UQCC5: variants seen among roughly 807,000 people sequenced by gnomAD.
UQCC5 encodes the protein UPF0640 protein C3orf78.
the UQCC5 span, chr3:52,540,556 C>A: frequency 9.2e-7 from 1 of 1,088,242 alleles, no homozygotes; most frequent in Admixed American, 3.1e-5. Context: ...TTAAAATATA[C>A]TTTTCAGATC....
At chr3:52,540,707 C>T in the UQCC5 span, 2 of 427,838 alleles carry the variant, frequency 4.7e-6, no homozygotes, top group Non-Finnish European at 8.2e-6. Flanking sequence ...ATTATTTCCT[C>T]CTAAAACACT....
chr3:52,541,620 ATGACCTC>A, the UQCC5 span: 1 of 152,236 alleles, frequency 6.6e-6, no homozygotes, highest in Non-Finnish European at 1.5e-5. Flanking sequence ...AAGGCCAGTA[ATGACCTC>A]TGCCATCAGG....
At chr3:52,539,620 G>A in the UQCC5 span, among the ~76,000 whole-genome samples, 2 of 150,516 alleles carry the variant, frequency 1.3e-5, no homozygotes, top group East Asian at 2.0e-4. Context: ...CAAATGGCAT[G>A]AGCCATGAAG....
the UQCC5 span, among the ~76,000 whole-genome samples, chr3:52,538,454 TTTTAA>T: frequency 3.3e-5 from 5 of 152,310 alleles, no homozygotes; most frequent in South Asian, 4.1e-4. Context: ...AATCCCAACA[TTTTAA>T]TTTAATTTAT....
At chr3:52,537,769 C>T in the UQCC5 span, among the ~76,000 whole-genome samples, 34 of 139,372 alleles carry the variant, frequency 2.4e-4, no homozygotes, top group African/African-American at 7.8e-4. Flanking sequence ...CTCGGGTGGG[C>T]GCCTCAACTG....
chr3:52,540,142 G>T, the UQCC5 span, among the ~76,000 whole-genome samples: 2 of 152,196 alleles, frequency 1.3e-5, no homozygotes, highest in Non-Finnish European at 2.9e-5. Context: ...AGAAATTATG[G>T]GGGAGAAGGA....
chr3:52,540,810 CTTTGT>C, the UQCC5 span: 1 of 215,242 alleles, frequency 4.6e-6, no homozygotes, highest in Non-Finnish European at 9.1e-6. Flanking sequence ...TTTCGGCAAT[CTTTGT>C]TTTTAGGCAA....
At chr3:52,537,806 G>A in the UQCC5 span, among the ~76,000 whole-genome samples, 3 of 152,148 alleles carry the variant, frequency 2.0e-5, no homozygotes, top group African/African-American at 7.2e-5. Context: ...GAAGGCTTCC[G>A]GAAGCAGCTA....
chr3:52,539,638 AT>A, the UQCC5 span, among the ~76,000 whole-genome samples: 65,016 of 139,626 alleles, frequency 0.47, 14,762 homozygotes, highest in Admixed American at 0.53. Flanking sequence ...AAGGAAGAAG[AT>A]TTTTTTTTTT....
chr3:52,539,195 T>C, the UQCC5 span, among the ~76,000 whole-genome samples: 1 of 151,810 alleles, frequency 6.6e-6, no homozygotes, highest in South Asian at 2.1e-4. Flanking sequence ...GGGTGAAGCA[T>C]GGGGAAGGGA....
At chr3:52,538,472 A>AT in the UQCC5 span, among the ~76,000 whole-genome samples, 2 of 152,250 alleles carry the variant, frequency 1.3e-5, no homozygotes, top group African/African-American at 4.8e-5. Context: ...TAATTTATTT[A>AT]TTTTTTGAGA....
At chr3:52,537,130 A>T in the UQCC5 span, among the ~76,000 whole-genome samples, 1 of 152,200 alleles carries the variant, frequency 6.6e-6, no homozygotes, top group Non-Finnish European at 1.5e-5. Context: ...AGGCGAGATC[A>T]CGTGCTTCTT....
chr3:52,539,411 C>G, the UQCC5 span, among the ~76,000 whole-genome samples: 1 of 152,062 alleles, frequency 6.6e-6, no homozygotes, highest in African/African-American at 2.4e-5. Flanking sequence ...GTGGTATGAA[C>G]AGAAATCCTT....
At chr3:52,537,283 C>T in the UQCC5 span, among the ~76,000 whole-genome samples, 1 of 152,230 alleles carries the variant, frequency 6.6e-6, no homozygotes, top group Non-Finnish European at 1.5e-5. Flanking sequence ...TCTTTGGATT[C>T]TTCTGTCCAA....
At chr3:52,538,632 T>A in the UQCC5 span, among the ~76,000 whole-genome samples, 10,998 of 152,090 alleles carry the variant, frequency 0.072, 947 homozygotes, top group African/African-American at 0.21. Flanking sequence ...CGGCTAATTT[T>A]GTATTTTTAG....
chr3:52,536,736 C>T, the UQCC5 span: 3 of 1,551,726 alleles, frequency 1.9e-6, no homozygotes, highest in Non-Finnish European at 1.7e-6. Flanking sequence ...TCATATCCCT[C>T]TCCACGACCT....
the UQCC5 span, chr3:52,541,875 T>A: frequency 6.6e-6 from 1 of 152,238 alleles, no homozygotes; most frequent in African/African-American, 2.4e-5. Context: ...TAAACACTAA[T>A]AAAACCATTG....
the UQCC5 span, chr3:52,536,826 G>C: frequency 6.4e-7 from 1 of 1,551,622 alleles, no homozygotes; most frequent in Non-Finnish European, 8.7e-7. Flanking sequence ...GGCATCTACC[G>C]GTTCCTGCCC....
At chr3:52,539,544 G>A in the UQCC5 span, among the ~76,000 whole-genome samples, 2 of 152,212 alleles carry the variant, frequency 1.3e-5, no homozygotes, top group African/African-American at 2.4e-5. Flanking sequence ...CTGAGCCAGA[G>A]GCCAGCACTT....
Sources: allele counts gnomAD v4.1 joint callset (sites outside exome capture counted in the v4.1 genomes callset), GRCh38; gene constraint gnomAD v4.1.1; transcripts MANE v1.5; gene names NCBI Gene and HGNC (gene_info 2026-07-23, HGNC 2026-07-21).